Variants in MAP3K21 observed in about 807,000 individuals in gnomAD.
MAP3K21 encodes mitogen-activated protein kinase kinase kinase MLK4.
MAP3K21 carries 63 observed loss-of-function variants against 86.1 expected under a neutral mutation model. The ratio of observed to expected loss-of-function variants is 0.73; its 90% CI spans 0.60 to 0.90. The LOEUF is 0.90. MAP3K21 is among the 40% of genes least tolerant of loss of function. The probability of loss-of-function intolerance (pLI) is 0.00; values close to 1 mark genes in which losing one functional copy is unlikely to be tolerated. For missense variants in MAP3K21, 1,220 were observed against 1,367.7 expected (o/e 0.89, Z 1.70); for synonymous variants, 558 against 564.8 (o/e 0.99, Z 0.17).
At chr1:233,335,070 C>A (rs748723875) in intron 1 of MAP3K21, among the ~76,000 whole-genome samples, 1 of 151,402 alleles carries the variant, frequency 6.6e-6, no homozygotes, top group Admixed American at 6.6e-5. Context: ...CTAGCTTTAC[C>A]GTGTCAGGCT....
At chr1:233,362,516 C>T (rs568510481) in intron 5 of MAP3K21, among the ~76,000 whole-genome samples, 2 of 152,156 alleles carry the variant, frequency 1.3e-5, no homozygotes, top group African/African-American at 4.8e-5. Context: ...TCACAGCACA[C>T]GAGGATCTAA....
intron 1 of MAP3K21, among the ~76,000 whole-genome samples, chr1:233,342,844 G>A (rs1184311758): frequency 1.3e-5 from 2 of 152,112 alleles, no homozygotes; most frequent in Non-Finnish European, 2.9e-5. Flanking sequence ...AGCATTAAGA[G>A]TAAGAATGGT....
intron 1 of MAP3K21, among the ~76,000 whole-genome samples, chr1:233,336,130 A>AT (rs1240902964): frequency 6.6e-6 from 1 of 152,188 alleles, no homozygotes; most frequent in Non-Finnish European, 1.5e-5. Context: ...GTTCTGCCTC[A>AT]TTTTTGGATA....
intron 6 of MAP3K21, chr1:233,373,833 C>T (rs937077708): frequency 9.9e-5 from 15 of 151,556 alleles, no homozygotes; most frequent in Non-Finnish European, 1.5e-5. Flanking sequence ...ATTTCACCAT[C>T]CGTTTCCGGC....
At chr1:233,374,897 C>T (rs1332031118) in intron 6 of MAP3K21, among the ~76,000 whole-genome samples, 1 of 150,304 alleles carries the variant, frequency 6.7e-6, no homozygotes, top group Non-Finnish European at 1.5e-5. Flanking sequence ...AGATATTTTT[C>T]CCCTAAGTGT....
chr1:233,346,361 T>C lies in MAP3K21; in HGVS notation c.806-81T>C, dbSNP rs2102763544. 5.6e-6 allele frequency: 6 copies of C among 1,070,044 alleles called. No individual in the cohort carries two copies. In the South Asian group the frequency reaches 6.1e-5, roughly 11 times the overall value. The allele number at this position is 1,070,044 out of a possible 1,614,324, so 66.3% of individuals were successfully genotyped here. A position where few individuals can be genotyped will look rare whatever the true frequency, so the allele number is the denominator to read the frequency against. ...TTTATTCTGCCAACTACAGTGAAGA[T>C]TGTGTTTTACATGCCACAGAAAAAT... On this transcript the variant is annotated intron_variant, in intron 1 of 9. Transcript: ENST00000366624.
chr1:233,352,724 C>T (rs1663272938), intron 2 of MAP3K21, among the ~76,000 whole-genome samples: 1 of 152,124 alleles, frequency 6.6e-6, no homozygotes, highest in South Asian at 2.1e-4. Context: ...AGCCACTGTA[C>T]CTGGCAATTT....
chr1:233,354,443 A>G (rs1175603606), intron 3 of MAP3K21, among the ~76,000 whole-genome samples: 1 of 152,150 alleles, frequency 6.6e-6, no homozygotes, highest in Middle Eastern at 3.2e-3. Flanking sequence ...AGAACTTCTC[A>G]TGTGGATATA....
intron 5 of MAP3K21, among the ~76,000 whole-genome samples, chr1:233,367,854 C>T (rs1364543926): frequency 5.0e-5 from 6 of 119,188 alleles, no homozygotes; most frequent in Admixed American, 8.6e-5. Flanking sequence ...AGCAAGACTC[C>T]GTCTCAAAAA....
intron 4 of MAP3K21, among the ~76,000 whole-genome samples, chr1:233,360,617 C>G (rs953205520): frequency 8.5e-5 from 13 of 152,210 alleles, no homozygotes; most frequent in African/African-American, 3.1e-4. Context: ...TCCCTAGTCT[C>G]TTCGTGATAT....
intron 1 of MAP3K21, among the ~76,000 whole-genome samples, chr1:233,332,837 A>AT (rs35115370): frequency 6.6e-6 from 1 of 150,932 alleles, no homozygotes; most frequent in Non-Finnish European, 1.5e-5. Flanking sequence ...ATTGTGTTCT[A>AT]TTTTTTTTTT....
chr1:233,343,971 C>G (rs1218164561), intron 1 of MAP3K21, among the ~76,000 whole-genome samples: 3 of 152,188 alleles, frequency 2.0e-5, no homozygotes, highest in African/African-American at 7.2e-5. Context: ...TGGCAGCCTC[C>G]AGCTGCATTA....
intron 4 of MAP3K21, among the ~76,000 whole-genome samples, chr1:233,360,470 G>C (rs1321164282): frequency 1.3e-5 from 2 of 152,076 alleles, no homozygotes; most frequent in Non-Finnish European, 2.9e-5. Flanking sequence ...TTCTCCTGCA[G>C]TTTTTCTTGT....
At chr1:233,349,660 C>T (rs1479814639) in intron 2 of MAP3K21, among the ~76,000 whole-genome samples, 3 of 152,130 alleles carry the variant, frequency 2.0e-5, no homozygotes, top group South Asian at 2.1e-4. Context: ...AGATACCAGC[C>T]GGGCATGGTG....
intron 5 of MAP3K21, among the ~76,000 whole-genome samples, chr1:233,364,448 G>A (rs777486168): frequency 1.8e-4 from 28 of 152,280 alleles, no homozygotes; most frequent in Middle Eastern, 6.8e-3. Context: ...GAAACTTTGG[G>A]GAAGGTGGAA....
Position 233,379,377 on chromosome 1 carries a change from C to T in MAP3K21, c.2371C>T (p.Pro791Ser). ...PSTCGEASSPPSLPLSSALGI... is the reference protein window; with the variant it reads ...PSTCGEASSPSSLPLSSALGI... ...CACCTGTGGGGAGGCCAGCAGCCCA[C>T]CCTCCCTGCCACTGTCAAGTGCCCT... The change falls in exon 9 of 10, where the codon CCC (proline) becomes TCC (serine). Residue 791 changes from proline to serine, a missense_variant. Transcript: ENST00000366624. The T allele has an allele frequency of 6.8e-6, 11 of 1,614,210 alleles. No homozygotes were observed. Among genetic ancestry groups the T allele is most frequent in the Non-Finnish European group, 9.3e-6 (11 of 1,180,026 alleles).
chr1:233,368,706 T>C (rs1663626680), intron 5 of MAP3K21, among the ~76,000 whole-genome samples: 1 of 151,714 alleles, frequency 6.6e-6, no homozygotes, highest in South Asian at 2.1e-4. Context: ...CCATTTGGTC[T>C]TTCCTTTCCG....
At chr1:233,356,467 G>A (rs918454397) in intron 4 of MAP3K21, among the ~76,000 whole-genome samples, 2 of 139,184 alleles carry the variant, frequency 1.4e-5, no homozygotes, top group Non-Finnish European at 3.1e-5. Context: ...GTTTTAATGA[G>A]CAATTATTAT....
At position 233,344,315 on chromosome 1, in the gene MAP3K21, A is replaced by T. The variant is rs1276020362; in HGVS notation, c.806-2127A>T. Among the ~76,000 whole-genome samples the T allele has an allele frequency of 2.0e-5, 3 of 152,114 alleles. No individual in the cohort carries two copies. In the East Asian group the frequency reaches 5.8e-4, roughly 29 times the overall value. On this transcript the variant is annotated intron_variant, in intron 1 of 9. Transcript: ENST00000366624. ...AGAACAAAACTGGAGGCATCACACTACCTCTCTTCAAACTATACTACAAGC... is the reference window on the plus strand; with the variant it reads ...AGAACAAAACTGGAGGCATCACACTTCCTCTCTTCAAACTATACTACAAGC...
Sources: gnomAD v4.1 joint callset for allele counts (sites outside exome capture counted in the v4.1 genomes callset) on GRCh38, gnomAD v4.1.1 for gene constraint, MANE v1.5 for transcripts, NCBI Gene and HGNC (gene_info 2026-07-23, HGNC 2026-07-21) for gene names.